Variants in PTPRD observed in about 807,000 individuals in gnomAD.
PTPRD encodes protein tyrosine phosphatase receptor type D, also known as receptor-type tyrosine-protein phosphatase delta.
PTPRD carries 34 observed loss-of-function variants against 214.5 expected under a neutral mutation model. The ratio of observed to expected loss-of-function variants is 0.16; its 90% CI spans 0.12 to 0.21. The LOEUF is 0.21. PTPRD is among the 10% of genes least tolerant of loss of function. PTPRD has a pLI of 1.00. For synonymous variants in PTPRD, 1,128 were observed against 845.7 expected (o/e 1.33, Z -5.79); for missense variants, 2,545 against 2,398.7 (o/e 1.06, Z -1.27).
chr9:9,645,651 C>A (rs551645413), intron 7 of PTPRD, among the ~76,000 whole-genome samples: 1 of 151,806 alleles, frequency 6.6e-6, no homozygotes, highest in African/African-American at 2.4e-5. Context: ...TGGATTTTTT[C>A]CCCTTTCTTG....
chr9:9,613,197 G>T (rs1468829131), intron 7 of PTPRD, among the ~76,000 whole-genome samples: 3 of 116,858 alleles, frequency 2.6e-5, no homozygotes, highest in Non-Finnish European at 5.2e-5. Context: ...GAAGCATGTG[G>T]AATAATTTTG....
intron 36 of PTPRD, 30 bp from the exon 37 acceptor site, chr9:8,389,437 G>A (rs779577063): frequency 6.4e-7 from 1 of 1,574,584 alleles, no homozygotes; most frequent in African/African-American, 1.4e-5. Context: ...ATTCAACCAG[G>A]TGAGCACATC....
chr9:8,845,844 T>G (rs1441463183), intron 11 of PTPRD, among the ~76,000 whole-genome samples: 1 of 152,224 alleles, frequency 6.6e-6, no homozygotes, highest in Non-Finnish European at 1.5e-5. Context: ...GAGATCAATT[T>G]TATTAGATAC....
At chr9:9,128,353 A>T (rs2099837311) in intron 10 of PTPRD, among the ~76,000 whole-genome samples, 1 of 152,250 alleles carries the variant, frequency 6.6e-6, no homozygotes, top group Admixed American at 6.5e-5. Flanking sequence ...ATACAAACAC[A>T]TATACATGCA....
rs116243645 is a variant in PTPRD, at chr9:8,591,459, C to T, written c.352+41858G>A. ...TTTTGACTTCACTGACTTCTATACA[C>T]TGATCCAAGGTGTTTTTTTATTGGC... is the stretch of plus-strand genomic sequence containing the variant. On this transcript the variant is annotated intron_variant, in intron 14 of 45. Coordinates refer to ENST00000381196, the MANE Select transcript of PTPRD (RefSeq NM_002839.4). 4.8e-3 allele frequency among the ~76,000 whole-genome samples: 730 copies of T among 152,270 alleles called. 9 individuals are homozygous for T. Among genetic ancestry groups the T allele is most frequent in the African/African-American group, 0.017 (692 of 41,556 alleles).
At chr9:9,383,947 C>A (rs1371639089) in intron 9 of PTPRD, among the ~76,000 whole-genome samples, 1 of 151,922 alleles carries the variant, frequency 6.6e-6, no homozygotes, top group African/African-American at 2.4e-5. Flanking sequence ...GAAGTGATAT[C>A]TAACCCTGCT....
At chr9:9,611,916 T>A (rs2094533646) in intron 7 of PTPRD, among the ~76,000 whole-genome samples, 1 of 152,148 alleles carries the variant, frequency 6.6e-6, no homozygotes, top group Admixed American at 6.5e-5. Context: ...CTGTAGTAAT[T>A]TCATATACAT....
In PTPRD at chr9:8,819,614, T is replaced by C. The variant is rs147258757; in HGVS notation, c.-103-85668A>G. Among the ~76,000 whole-genome samples the C allele has an allele frequency of 2.0e-4, 31 of 152,300 alleles. No individual in the cohort carries two copies. In the East Asian group the frequency reaches 4.4e-3, roughly 22 times the overall value. Reference sequence around the variant, plus strand: ...AGGCAGAGGTTGCAGTGAGCCAAGATTGAGCCACTGCACTCCAGCCTGGGC... The same window carrying C: ...AGGCAGAGGTTGCAGTGAGCCAAGACTGAGCCACTGCACTCCAGCCTGGGC... On this transcript the variant is annotated intron_variant, in intron 11 of 45. Coordinates refer to ENST00000381196, the MANE Select transcript of PTPRD (RefSeq NM_002839.4).
intron 5 of PTPRD, among the ~76,000 whole-genome samples, chr9:9,881,452 G>C (rs1326408946): frequency 6.6e-6 from 1 of 152,094 alleles, no homozygotes; most frequent in African/African-American, 2.4e-5. Flanking sequence ...TTGAGTCTAA[G>C]TTTACCAGGG....
At chr9:8,357,169 ATTC>A (rs1178289716) in intron 39 of PTPRD, among the ~76,000 whole-genome samples, 3 of 152,166 alleles carry the variant, frequency 2.0e-5, no homozygotes, top group Non-Finnish European at 2.9e-5. Flanking sequence ...AATGCCAACA[ATTC>A]TTCTTCGAAG....
At chr9:9,490,336 T>C (rs147947438) in intron 8 of PTPRD, among the ~76,000 whole-genome samples, 43 of 152,180 alleles carry the variant, frequency 2.8e-4, no homozygotes, top group South Asian at 2.7e-3. Context: ...TCAATATAGA[T>C]AAATATATAG....
At chr9:10,163,706 C>A (rs776105664) in intron 3 of PTPRD, among the ~76,000 whole-genome samples, 2 of 151,292 alleles carry the variant, frequency 1.3e-5, no homozygotes, top group Non-Finnish European at 3.0e-5. Context: ...GCTCAAAGCA[C>A]AATATATTCT....
intron 2 of PTPRD, among the ~76,000 whole-genome samples, chr9:10,421,634 T>A (rs2098546724): frequency 6.6e-6 from 1 of 151,892 alleles, no homozygotes; most frequent in Admixed American, 6.6e-5. Context: ...GCATACCATA[T>A]ATCAAAAAGG....
Position 8,866,549 on chromosome 9 carries a change from C to G in PTPRD, c.-103-132603G>C, listed in dbSNP as rs550503700. Among the ~76,000 whole-genome samples the G allele has an allele frequency of 7.2e-5, 11 of 152,244 alleles. No individual in the cohort carries two copies. The South Asian group carries it at 2.3e-3, about 32-fold the overall frequency. On this transcript the variant is annotated intron_variant, in intron 11 of 45. Coordinates refer to ENST00000381196, the MANE Select transcript of PTPRD (RefSeq NM_002839.4). ...AACCTCAGTGGTTCATGATTAAGTA[C>G]GTACTTTATAACTAAGTGCAAATGT...
At chr9:10,112,051 C>G (rs2098695829) in intron 3 of PTPRD, among the ~76,000 whole-genome samples, 1 of 152,150 alleles carries the variant, frequency 6.6e-6, no homozygotes, top group Non-Finnish European at 1.5e-5. Context: ...TGTGAATAAA[C>G]AACAATGTGG....
chr9:10,143,937 CTACCTATTAGG>C, intron 3 of PTPRD, among the ~76,000 whole-genome samples: 1 of 152,144 alleles, frequency 6.6e-6, no homozygotes, highest in East Asian at 1.9e-4. Flanking sequence ...CATTCAGAAA[CTACCTATTAGG>C]TACAATGCTC....
chr9:9,812,408 G>A (rs138497784), intron 5 of PTPRD, among the ~76,000 whole-genome samples: 3 of 152,002 alleles, frequency 2.0e-5, no homozygotes, highest in South Asian at 4.2e-4. Context: ...AAAAAAAGTT[G>A]CAGCAATATG....
chr9:8,740,981 A>AG (rs1488188394), intron 11 of PTPRD, among the ~76,000 whole-genome samples: 9 of 152,192 alleles, frequency 5.9e-5, no homozygotes, highest in Non-Finnish European at 1.0e-4. Context: ...TAATACACAG[A>AG]GAAAAAAAAG....
At chr9:10,502,318 T>C (rs1175153758) in intron 2 of PTPRD, among the ~76,000 whole-genome samples, 1 of 151,824 alleles carries the variant, frequency 6.6e-6, no homozygotes, top group African/African-American at 2.4e-5. Flanking sequence ...AGAAAGAACA[T>C]ATAAAATTTT....
Sources: gnomAD v4.1 joint callset for allele counts (sites outside exome capture counted in the v4.1 genomes callset) on GRCh38, gnomAD v4.1.1 for gene constraint, MANE v1.5 for transcripts, NCBI Gene and HGNC (gene_info 2026-07-23, HGNC 2026-07-21) for gene names.